The following SPECC1 variants were observed in gnomAD, a reference collection of about 807,000 sequenced individuals.
SPECC1 encodes cytospin-B.
In SPECC1, 62 loss-of-function variants were observed where a neutral mutation model predicts 104.1. The observed-to-expected ratio is 0.60, with a 90% CI of 0.49 to 0.74. The LOEUF is 0.74. Ranked by LOEUF, SPECC1 falls within the 30% of genes least tolerant of loss-of-function variation. The probability of loss-of-function intolerance (pLI) is 0.00; values close to 1 mark genes in which losing one functional copy is unlikely to be tolerated. For synonymous variants in SPECC1, 513 were observed against 501.6 expected (o/e 1.02, Z -0.30); for missense variants, 1,306 against 1,310.5 (o/e 1.00, Z 0.05).
chr17:20,021,201 T>A (rs145263208), intron 1 of SPECC1, among the ~76,000 whole-genome samples: 219 of 152,024 alleles, frequency 1.4e-3, no homozygotes, highest in African/African-American at 5.1e-3. Context: ...CTTGCTGTCT[T>A]GGGGGTAGCA....
chr17:20,170,372 T>A (rs1248044195), intron 3 of SPECC1, among the ~76,000 whole-genome samples: 6 of 152,226 alleles, frequency 3.9e-5, no homozygotes, highest in Non-Finnish European at 8.8e-5. Context: ...AGGTTTGATA[T>A]TTCAAAACGA....
At chr17:20,190,177 T>C (rs2035566278) in intron 3 of SPECC1, among the ~76,000 whole-genome samples, 1 of 152,192 alleles carries the variant, frequency 6.6e-6, no homozygotes, top group Non-Finnish European at 1.5e-5. Context: ...TGGCTGTGCA[T>C]CTGCTTGCTG....
rs900886874 is a variant in SPECC1, at chr17:20,031,979, C to G, written c.-22+22555C>G. On this transcript the variant is annotated intron_variant, in intron 1 of 14. Transcript: ENST00000395527. ...GAACATGGATGTACAAATAACTCTTCAAGACCCTGGTTTCAATCCTTTTGG... is the reference window on the plus strand; with the variant it reads ...GAACATGGATGTACAAATAACTCTTGAAGACCCTGGTTTCAATCCTTTTGG... 9.8e-5 allele frequency among the ~76,000 whole-genome samples: 15 copies of G among 152,298 alleles called. No individual in the cohort carries two copies. The East Asian group carries it at 2.7e-3, about 27-fold the overall frequency.
intron 3 of SPECC1, among the ~76,000 whole-genome samples, chr17:20,117,757 C>T (rs1462257569): frequency 1.3e-5 from 2 of 149,040 alleles, no homozygotes; most frequent in Non-Finnish European, 1.5e-5. Context: ...ATATATATAG[C>T]GCCCATGAAA....
intron 1 of SPECC1, among the ~76,000 whole-genome samples, chr17:20,074,246 A>G (rs1250985061): frequency 1.3e-5 from 2 of 152,190 alleles, no homozygotes; most frequent in East Asian, 3.8e-4. Context: ...AGGGTCTGAT[A>G]ATGTCGCAAT....
intron 3 of SPECC1, among the ~76,000 whole-genome samples, chr17:20,161,241 TC>T (rs2033119643): frequency 6.6e-6 from 1 of 152,046 alleles, no homozygotes; most frequent in Non-Finnish European, 1.5e-5. Context: ...TCTAAGGTAA[TC>T]TATTGTTTTC....
chr17:20,260,060 C>T (rs2039971164), intron 11 of SPECC1, 132 bp from the exon 12 acceptor site: 4 of 565,290 alleles, frequency 7.1e-6, no homozygotes, highest in Admixed American at 3.3e-5. Context: ...GTGACTAATT[C>T]GGCTGTTTCT....
chr17:20,301,728 CAG>C (rs1447270078), intron 13 of SPECC1, among the ~76,000 whole-genome samples: 6 of 152,074 alleles, frequency 3.9e-5, no homozygotes, highest in Non-Finnish European at 8.8e-5. Flanking sequence ...TGTTTTGAGA[CAG>C]AGTCTCACTC....
At chr17:20,129,253 C>T (rs1173800573) in intron 3 of SPECC1, among the ~76,000 whole-genome samples, 1 of 150,780 alleles carries the variant, frequency 6.6e-6, no homozygotes, top group Non-Finnish European at 1.5e-5. Flanking sequence ...GGCACCATCT[C>T]GGCTCACTGC....
At chr17:20,212,897 T>C (rs1377216674) in intron 4 of SPECC1, among the ~76,000 whole-genome samples, 1 of 152,206 alleles carries the variant, frequency 6.6e-6, no homozygotes, top group African/African-American at 2.4e-5. Context: ...AACTAATATT[T>C]TGGGCTATTT....
rs75180191 is a variant in SPECC1, at chr17:20,153,748, T to G, written c.283+43186T>G. ...TGACTCATTGATTTCCAAAACTCTT[T>G]GAATAAGTATGTAACTGTTCTGTAG... On this transcript the variant is annotated intron_variant, in intron 3 of 14. Coordinates refer to ENST00000395527, the MANE Select transcript of SPECC1 (RefSeq NM_001243439.2). Among the ~76,000 whole-genome samples the G allele has an allele frequency of 3.0e-3, 456 of 152,334 alleles. 19 individuals carry two copies. The East Asian group carries it at 0.085, about 28-fold the overall frequency.
chr17:20,195,798 A>C (rs1186091840), intron 3 of SPECC1, among the ~76,000 whole-genome samples: 2 of 152,152 alleles, frequency 1.3e-5, no homozygotes, highest in Non-Finnish European at 2.9e-5. Context: ...AATCTTTCCA[A>C]TCTTAATCAG....
chr17:20,285,658 T>G (rs187186101), intron 12 of SPECC1, among the ~76,000 whole-genome samples: 61 of 152,294 alleles, frequency 4.0e-4, no homozygotes, highest in African/African-American at 1.4e-3. Context: ...CCAAAAATCT[T>G]GTACATAAAT....
At chr17:20,168,871 ATATTT>A (rs1431191223) in intron 3 of SPECC1, among the ~76,000 whole-genome samples, 2 of 152,020 alleles carry the variant, frequency 1.3e-5, no homozygotes, top group Non-Finnish European at 2.9e-5. Context: ...AAACGATGGT[ATATTT>A]TATTTTATTT....
chr17:20,187,025 A>G lies in SPECC1; in HGVS notation c.284-17308A>G, dbSNP rs1460149880. On this transcript the variant is annotated intron_variant, in intron 3 of 14. Transcript: ENST00000395527. ...CCTTATCTGAAATGCTTGGGACCAG[A>G]TGTGTTTTGAACTTTGGATTTTTTT... Among the ~76,000 whole-genome samples the G allele has an allele frequency of 3.3e-5, 5 of 151,842 alleles. 1 individual carries two copies. The highest frequency in any genetic ancestry group is 3.9e-4 in the East Asian group (2 of 5,174).
chr17:20,271,675 A>G (rs2040412226), intron 12 of SPECC1, among the ~76,000 whole-genome samples: 1 of 152,014 alleles, frequency 6.6e-6, no homozygotes, highest in South Asian at 2.1e-4. Flanking sequence ...GCTGCCCTCT[A>G]TGCCTGGTGC....
chr17:20,045,230 C>T (rs1399653141), intron 1 of SPECC1, among the ~76,000 whole-genome samples: 1 of 152,098 alleles, frequency 6.6e-6, no homozygotes, highest in African/African-American at 2.4e-5. Flanking sequence ...TTTGTTTTCA[C>T]GTAACACACA....
At chr17:20,245,142 CTCTCGTTGGCTTAGGCAGAAAGGTGTTA>C (rs1249951841) in intron 7 of SPECC1, among the ~76,000 whole-genome samples, 2 of 152,194 alleles carry the variant, frequency 1.3e-5, no homozygotes, top group Non-Finnish European at 1.5e-5. Flanking sequence ...ATGGATTGCA[CTCTCGTTGGCTTAGGCAGAAAGGTGTTA>C]AATGGTTTGC....
At chr17:20,309,901 T>C (rs2142206051) in intron 14 of SPECC1, among the ~76,000 whole-genome samples, 1 of 143,250 alleles carries the variant, frequency 7.0e-6, no homozygotes, top group South Asian at 2.4e-4. Flanking sequence ...CACTGCAACC[T>C]CCGACTTCCG....
Sources: allele counts gnomAD v4.1 joint callset (sites outside exome capture counted in the v4.1 genomes callset), GRCh38; gene constraint gnomAD v4.1.1; transcripts MANE v1.5; gene names NCBI Gene and HGNC (gene_info 2026-07-23, HGNC 2026-07-21).